The following RSPH14 variants were observed in gnomAD, a reference collection of about 807,000 sequenced individuals.
RSPH14 encodes rhabdoid tumor deletion region gene 1.
RSPH14 carries 20 observed loss-of-function variants against 26.7 expected under a neutral mutation model. That is an observed-to-expected ratio of 0.75 (90% CI 0.53 to 1.09). The LOEUF is 1.09. Ranked by LOEUF, RSPH14 falls within the 50% of genes least tolerant of loss-of-function variation. The pLI is 0.00. For missense variants in RSPH14, 449 were observed against 457.2 expected, an observed-to-expected ratio of 0.98 and a Z score of 0.16; for synonymous variants, 177 against 189.3, an observed-to-expected ratio of 0.93 and a Z score of 0.53.
chr22:23,060,126 C>T (rs550381015), intron 6 of RSPH14, among the ~76,000 whole-genome samples: 1 of 152,076 alleles, frequency 6.6e-6, no homozygotes, highest in South Asian at 2.1e-4. Flanking sequence ...CTGCAGTGAT[C>T]GTGACATCGT....
At chr22:23,165,708 T>C in the RSPH14 span, among the ~76,000 whole-genome samples, 1 of 152,232 alleles carries the variant, frequency 6.6e-6, no homozygotes, top group Non-Finnish European at 1.5e-5. Flanking sequence ...GCTTGGTAGC[T>C]GGGCCACTAG....
At chr22:23,091,698 G>A (rs953135280) in intron 4 of RSPH14, among the ~76,000 whole-genome samples, 4 of 150,544 alleles carry the variant, frequency 2.7e-5, no homozygotes, top group African/African-American at 9.8e-5. Context: ...ACACACACAC[G>A]CACCGCAATG....
In RSPH14 at chr22:23,134,119, C is replaced by T. The variant is rs761828877; in HGVS notation, c.328G>A (p.Val110Ile). Residue 110 changes from valine (V) to isoleucine (I), a missense_variant, in exon 4 of 7, where the codon GTC becomes ATC. Physicochemically the swap from Val to Ile is conservative, Grantham distance 29. Coordinates refer to ENST00000216036, the MANE Select transcript of RSPH14 (RefSeq NM_014433.3). ...GRYAFLEHDI[V>I]LALSFLLNDP... ...TTCAGCAGGAAGGACAGGGCAAGGA[C>T]GATGTCGTGCTCTAGAAAGGCGTAT... is the stretch of plus-strand genomic sequence containing the variant. 1.1e-5 allele frequency: 17 copies of T among 1,611,512 alleles called. No individual in the cohort carries two copies. Among genetic ancestry groups the T allele is most frequent in the East Asian group, 4.5e-5 (2 of 44,770 alleles).
At chr22:23,067,682 C>A (rs1172668672) in intron 4 of RSPH14, among the ~76,000 whole-genome samples, 1 of 152,208 alleles carries the variant, frequency 6.6e-6, no homozygotes, top group African/African-American at 2.4e-5. Flanking sequence ...TTCTCTGGTT[C>A]CTGACCACCT....
intron 4 of RSPH14, among the ~76,000 whole-genome samples, chr22:23,126,975 C>G (rs561467562): frequency 2.0e-5 from 3 of 152,320 alleles, no homozygotes; most frequent in African/African-American, 7.2e-5. Context: ...TCATGGGAGG[C>G]CAAGATGCTT....
the RSPH14 span, among the ~76,000 whole-genome samples, chr22:23,154,284 T>C: frequency 6.6e-6 from 1 of 152,178 alleles, no homozygotes; most frequent in African/African-American, 2.4e-5. Flanking sequence ...CCAAGCTCCT[T>C]CCTGGTGCCT....
At chr22:23,127,640 T>C (rs777559973) in intron 4 of RSPH14, among the ~76,000 whole-genome samples, 1 of 152,138 alleles carries the variant, frequency 6.6e-6, no homozygotes, top group Non-Finnish European at 1.5e-5. Flanking sequence ...TACGGCTCAC[T>C]GCAGTGGGAG....
chr22:23,175,200 G>A, the RSPH14 span, among the ~76,000 whole-genome samples: 5 of 152,100 alleles, frequency 3.3e-5, no homozygotes, highest in African/African-American at 7.2e-5. Context: ...GGGTTTCACC[G>A]TGTTAGCCAG....
At chr22:23,067,294 G>A (rs1367600192) in intron 4 of RSPH14, among the ~76,000 whole-genome samples, 3 of 152,184 alleles carry the variant, frequency 2.0e-5, no homozygotes, top group Admixed American at 2.0e-4. Flanking sequence ...GCTGGGTTGG[G>A]GAGGTGCTGA....
At chr22:23,131,574 A>C in intron 4 of RSPH14, 1 of 1,294,216 alleles carries the variant, frequency 7.7e-7, no homozygotes, top group South Asian at 1.2e-5. Flanking sequence ...TGAATGCTTT[A>C]AATAGGTCAC....
the RSPH14 span, among the ~76,000 whole-genome samples, chr22:23,173,768 A>G: frequency 0.31 from 47,084 of 151,850 alleles, 7,627 homozygotes; most frequent in African/African-American, 0.39. Flanking sequence ...GTGCAGCAGC[A>G]CGATCTTGGC....
At chr22:23,062,051 A>G in intron 5 of RSPH14, 106 bp from the exon 6 acceptor site, 1 of 1,332,614 alleles carries the variant, frequency 7.5e-7, no homozygotes, top group South Asian at 1.3e-5. Flanking sequence ...TGTGGGGGCT[A>G]CCCCAGGTAG....
chr22:23,083,617 C>T (rs954541236), intron 4 of RSPH14, among the ~76,000 whole-genome samples: 5 of 152,000 alleles, frequency 3.3e-5, no homozygotes, highest in African/African-American at 1.2e-4. Context: ...CGGTGGGTAC[C>T]CTGGGGAAAC....
chr22:23,063,885 C>A lies in RSPH14; in HGVS notation c.653+17G>T. 2 of 1,612,132 alleles carry A rather than the reference C, an allele frequency of 1.2e-6. No individual in the cohort carries two copies. The highest frequency in any genetic ancestry group is 1.7e-6 in the Non-Finnish European group (2 of 1,178,432). On this transcript the variant is annotated intron_variant, in intron 5 of 6. Coordinates refer to ENST00000216036, the MANE Select transcript of RSPH14 (RefSeq NM_014433.3). ...TCTCCCAGCCTTGGTAGAAACCCAG[C>A]CTAGGCCAGGCCTCACCTGACATTA...
rs763921035 is a variant in RSPH14, at chr22:23,123,237, A to C, written c.421+10789T>G. On this transcript the variant is annotated intron_variant, in intron 4 of 6. Transcript: ENST00000216036. ...GCTCACCATCTGCTTTCCCGAGTAC[A>C]AGGGCCAGAACACGTACGAGGAGGC... 4.3e-6 allele frequency: 7 copies of C among 1,614,186 alleles called. No homozygotes were observed. The South Asian group carries it at 6.6e-5, about 15-fold the overall frequency.
At chr22:23,079,866 G>C (rs5759580) in intron 4 of RSPH14, among the ~76,000 whole-genome samples, 1 of 152,002 alleles carries the variant, frequency 6.6e-6, no homozygotes. Context: ...TGGGCATGTA[G>C]TGGACACCAC....
Position 23,138,919 on chromosome 22 carries a change from A to G in RSPH14, c.223T>C (p.Leu75=). The change falls in exon 3 of 7, where the codon TTG becomes CTG. Residue 75 remains leucine, a synonymous_variant. Transcript: ENST00000216036. The stretch of plus-strand genomic sequence containing the variant: ...ACCATACTGTTGCTATCCTTCAGCA[A>G]AGCTTTCAGGTTCTCCATACAGCCT... ...NIGCMENLKA[L]LKDSNSMVRI... 1 of 1,549,130 alleles carries G rather than the reference A, an allele frequency of 6.5e-7. No homozygotes were observed. Among genetic ancestry groups the G allele is most frequent in the Non-Finnish European group, 8.7e-7 (1 of 1,146,742 alleles).
At chr22:23,061,985 G>T (rs1395584263) in intron 5 of RSPH14, 40 bp from the exon 6 acceptor site, 2 of 1,611,500 alleles carry the variant, frequency 1.2e-6, no homozygotes, top group South Asian at 2.2e-5. Context: ...CTGCTTGGAA[G>T]GGAGAAGAGG....
chr22:23,084,865 C>A (rs753105319), intron 4 of RSPH14, among the ~76,000 whole-genome samples: 2 of 152,212 alleles, frequency 1.3e-5, no homozygotes, highest in Non-Finnish European at 2.9e-5. Flanking sequence ...TGCCAGAGGA[C>A]GCACTGTCTG....
Sources: allele counts gnomAD v4.1 joint callset (sites outside exome capture counted in the v4.1 genomes callset), GRCh38; gene constraint gnomAD v4.1.1; transcripts MANE v1.5; gene names NCBI Gene and HGNC (gene_info 2026-07-23, HGNC 2026-07-21).